Variants in ZZZ3 observed in about 807,000 individuals in gnomAD.
ZZZ3 encodes the protein zinc finger ZZ-type containing 3.
ZZZ3 carries 22 observed loss-of-function variants against 95.2 expected under a neutral mutation model. The observed-to-expected ratio is 0.23, with a 90% CI of 0.17 to 0.33. ZZZ3 has a LOEUF of 0.33. ZZZ3 is among the 10% of genes least tolerant of loss of function. The probability of loss-of-function intolerance (pLI) is 1.00; values close to 1 mark genes in which losing one functional copy is unlikely to be tolerated. For synonymous variants in ZZZ3, 335 were observed against 358.9 expected, an observed-to-expected ratio of 0.93 and a Z score of 0.75; for missense variants, 885 against 1,066.5, an observed-to-expected ratio of 0.83 and a Z score of 2.37.
intron 5 of ZZZ3, among the ~76,000 whole-genome samples, chr1:77,620,268 A>T (rs1666718023): frequency 6.6e-6 from 1 of 152,246 alleles, no homozygotes; most frequent in Non-Finnish European, 1.5e-5. Context: ...AATAGAATGT[A>T]CAGTGAGAGG....
chr1:77,662,956 T>C (rs1287160705), intron 1 of ZZZ3, among the ~76,000 whole-genome samples: 2 of 151,974 alleles, frequency 1.3e-5, no homozygotes, highest in African/African-American at 4.8e-5. Flanking sequence ...AAACAAAACA[T>C]TAGCCAGGCA....
intron 5 of ZZZ3, 85 bp from the exon 6 acceptor site, chr1:77,584,740 T>A: frequency 9.0e-7 from 1 of 1,108,548 alleles, no homozygotes; most frequent in Non-Finnish European, 1.2e-6. Flanking sequence ...GATCTACTAT[T>A]AAGTCACACA....
At chr1:77,582,219 A>G in intron 6 of ZZZ3, 93 bp from the exon 7 acceptor site, 1 of 1,129,248 alleles carries the variant, frequency 8.9e-7, no homozygotes, top group Non-Finnish European at 1.2e-6. Context: ...ATGACTCCAA[A>G]TCCAAATAAT....
At chr1:77,582,543 C>T (rs1182453369) in intron 6 of ZZZ3, among the ~76,000 whole-genome samples, 1 of 151,738 alleles carries the variant, frequency 6.6e-6, no homozygotes, top group Non-Finnish European at 1.5e-5. Flanking sequence ...TATGATAAAC[C>T]TAAATAAAAT....
In ZZZ3 at chr1:77,632,926, T is replaced by C; in HGVS notation, c.429A>G (p.Ser143=). ...EDSPIKSDKE[S]VEQRSTVVDN... ...CCACTACTGTACTCCTCTGTTCTAC[T>C]GACTCCTTGTCTGATTTTATAGGAG... The change falls in exon 5 of 15, where the codon TCA becomes TCG. Residue 143 remains serine, a synonymous_variant. Transcript: ENST00000370801. The C allele has an allele frequency of 6.2e-7, 1 of 1,614,210 alleles. No homozygotes were observed. The highest frequency in any genetic ancestry group is 8.5e-7 in the Non-Finnish European group (1 of 1,180,034).
At chr1:77,659,534 A>G (rs1405032181) in intron 1 of ZZZ3, among the ~76,000 whole-genome samples, 1 of 151,614 alleles carries the variant, frequency 6.6e-6, no homozygotes, top group Non-Finnish European at 1.5e-5. Context: ...TAAAAATACA[A>G]AAATTAGCCA....
chr1:77,566,518 A>C (rs1218554406), intron 13 of ZZZ3, among the ~76,000 whole-genome samples: 1 of 152,188 alleles, frequency 6.6e-6, no homozygotes, highest in Non-Finnish European at 1.5e-5. Context: ...GGTACCTCAG[A>C]CCACTGTATG....
intron 11 of ZZZ3, among the ~76,000 whole-genome samples, chr1:77,576,587 A>C (rs1661970107): frequency 6.6e-6 from 1 of 152,196 alleles, no homozygotes. Flanking sequence ...GCCAGACATA[A>C]AACTATCCAG....
chr1:77,595,667 T>G (rs146676661), intron 5 of ZZZ3, among the ~76,000 whole-genome samples: 84 of 152,140 alleles, frequency 5.5e-4, no homozygotes, highest in African/African-American at 1.9e-3. Context: ...TAAATGTAAG[T>G]TTTAAACAAT....
chr1:77,634,374 A>G (rs1441411880), intron 4 of ZZZ3, among the ~76,000 whole-genome samples: 1 of 152,134 alleles, frequency 6.6e-6, no homozygotes, highest in Non-Finnish European at 1.5e-5. Flanking sequence ...CTGGCATCCA[A>G]AAATTTTTTA....
At chr1:77,599,495 A>G (rs1282588349) in intron 5 of ZZZ3, among the ~76,000 whole-genome samples, 4 of 152,054 alleles carry the variant, frequency 2.6e-5, no homozygotes, top group Non-Finnish European at 5.9e-5. Flanking sequence ...CTTGCCATAC[A>G]ATTCTTTTCA....
At chr1:77,604,236 G>C (rs1665013996) in intron 5 of ZZZ3, among the ~76,000 whole-genome samples, 1 of 152,180 alleles carries the variant, frequency 6.6e-6, no homozygotes, top group African/African-American at 2.4e-5. Context: ...AATTAAATTA[G>C]ATTCTCTAAG....
At chr1:77,575,371 C>T (rs2100515712) in intron 12 of ZZZ3, among the ~76,000 whole-genome samples, 1 of 152,226 alleles carries the variant, frequency 6.6e-6, no homozygotes, top group African/African-American at 2.4e-5. Context: ...TCAATTTAGT[C>T]AATGATCAGT....
chr1:77,639,508 G>C lies in ZZZ3; in HGVS notation c.-111C>G. The C allele has an allele frequency of 6.8e-7, 1 of 1,474,246 alleles. No individual in the cohort carries two copies. The highest frequency in any genetic ancestry group is 9.0e-7 in the Non-Finnish European group (1 of 1,108,246). The allele number at this position is 1,474,246 out of a possible 1,614,324, so 91.3% of individuals were successfully genotyped here. A position where few individuals can be genotyped will look rare whatever the true frequency, so the allele number is the denominator to read the frequency against. On this transcript the variant is annotated 5_prime_UTR_variant, in exon 4 of 15. Coordinates refer to ENST00000370801, the MANE Select transcript of ZZZ3 (RefSeq NM_015534.6). ...AATCTCTTTTCCTTATATCCTGAAG[G>C]AGTTGGAGCTATGATCTAGAATGGA...
At chr1:77,612,013 C>T (rs1020028243) in intron 5 of ZZZ3, among the ~76,000 whole-genome samples, 7 of 151,736 alleles carry the variant, frequency 4.6e-5, no homozygotes, top group Admixed American at 4.6e-4. Context: ...GCAAAGGAAA[C>T]AAACAACAAA....
At chr1:77,594,278 G>A (rs1042500730) in intron 5 of ZZZ3, among the ~76,000 whole-genome samples, 12 of 152,118 alleles carry the variant, frequency 7.9e-5, no homozygotes, top group Non-Finnish European at 1.5e-4. Context: ...GAAATTATCA[G>A]GAATATTATG....
chr1:77,650,666 GAA>G (rs551273539), intron 1 of ZZZ3, among the ~76,000 whole-genome samples: 1 of 67,070 alleles, frequency 1.5e-5, no homozygotes, highest in Non-Finnish European at 3.3e-5. Flanking sequence ...TAAGAAACTA[GAA>G]AAAAAAAAAA....
chr1:77,569,207 C>T (rs1327022898), intron 12 of ZZZ3, among the ~76,000 whole-genome samples: 1 of 152,100 alleles, frequency 6.6e-6, no homozygotes, highest in Non-Finnish European at 1.5e-5. Flanking sequence ...CATGGTGGCA[C>T]GCACCTGTAA....
chr1:77,669,764 G>A (rs192678339), intron 1 of ZZZ3, among the ~76,000 whole-genome samples: 13 of 151,778 alleles, frequency 8.6e-5, no homozygotes, highest in Admixed American at 4.6e-4. Flanking sequence ...CGGCCTCTCC[G>A]TTTCTTAAAA....
Sources: allele counts gnomAD v4.1 joint callset (sites outside exome capture counted in the v4.1 genomes callset), GRCh38; gene constraint gnomAD v4.1.1; transcripts MANE v1.5; gene names NCBI Gene and HGNC (gene_info 2026-07-23, HGNC 2026-07-21).